The following ODAD4 variants were observed in gnomAD, a reference collection of about 807,000 sequenced individuals.
ODAD4 encodes outer dynein arm-docking complex subunit 4.
A neutral mutation model predicts 51.8 loss-of-function variants in ODAD4; 49 were observed. That is an observed-to-expected ratio of 0.95 (90% CI 0.75 to 1.20). The LOEUF is 1.20. Ranked by LOEUF, ODAD4 falls within the 50% of genes most tolerant of loss-of-function variation. The pLI, the probability that ODAD4 is intolerant of heterozygous loss-of-function variation, is 0.00. For synonymous variants in ODAD4, 235 were observed against 221.3 expected, an observed-to-expected ratio of 1.06 and a Z score of -0.55; for missense variants, 590 against 586.5, an observed-to-expected ratio of 1.01 and a Z score of -0.06.
At chr17:41,958,308 G>A (rs1377647392) in intron 10 of ODAD4, among the ~76,000 whole-genome samples, 3 of 152,096 alleles carry the variant, frequency 2.0e-5, no homozygotes, top group Non-Finnish European at 4.4e-5. Context: ...TTGTGCACTT[G>A]TAATTGCCTA....
chr17:41,953,751 T>A (rs1020414769), intron 9 of ODAD4, among the ~76,000 whole-genome samples: 3 of 151,856 alleles, frequency 2.0e-5, no homozygotes, highest in Non-Finnish European at 2.9e-5. Context: ...CACTGCAACA[T>A]TGACCTTCTG....
chr17:41,936,351 G>A (rs2050426225), intron 3 of ODAD4, 122 bp from the exon 4 acceptor site: 3 of 712,364 alleles, frequency 4.2e-6, no homozygotes, highest in Non-Finnish European at 7.5e-6. Flanking sequence ...GCTGGCTTAG[G>A]GCCAGCTTTG....
Position 41,952,603 on chromosome 17 carries a change from A to G in ODAD4, c.1343-2614A>G, listed in dbSNP as rs781801506. 2.0e-5 allele frequency: 9 copies of G among 460,836 alleles called. No homozygotes were observed. The Admixed American group carries it at 2.0e-4, about 10-fold the overall frequency. The allele number at this position is 460,836 out of a possible 1,614,324, so 28.5% of individuals were successfully genotyped here. A position where few individuals can be genotyped will look rare whatever the true frequency, so the allele number is the denominator to read the frequency against. Reference sequence around the variant, plus strand: ...ATGAAAGAATAATCCTGAATGATTTACTCTCTTGAATAAGCATGTGACTCT... The same window carrying G: ...ATGAAAGAATAATCCTGAATGATTTGCTCTCTTGAATAAGCATGTGACTCT... On this transcript the variant is annotated intron_variant, in intron 9 of 11. Transcript: ENST00000377540.
chr17:41,944,427 CA>C (rs1567932983), intron 7 of ODAD4, among the ~76,000 whole-genome samples: 267 of 8,112 alleles, frequency 0.033, 11 homozygotes, highest in African/African-American at 0.048. Context: ...CACACACACA[CA>C]CACACACACA....
rs973253976 is a variant in ODAD4 at position 41,930,852 on chromosome 17, C to T, written c.114+15C>T. 1.2e-6 allele frequency: 1 copy of T among 808,800 alleles called. No individual in the cohort carries two copies. Among genetic ancestry groups the T allele is most frequent in the Non-Finnish European group, 2.0e-6 (1 of 507,892 alleles). 50.1% of individuals were successfully genotyped at this position (808,800 alleles called of 1,614,324 possible). A position where few individuals can be genotyped will look rare whatever the true frequency, so the allele number is the denominator to read the frequency against. ...GCTTCAGCAACGTGAGTCGAGCTCT[C>T]AACCTATCCATCACCCCATCACCCG... On this transcript the variant is annotated intron_variant, in intron 1 of 11. Coordinates refer to ENST00000377540, the MANE Select transcript of ODAD4 (RefSeq NM_031421.5).
intron 7 of ODAD4, among the ~76,000 whole-genome samples, chr17:41,941,782 A>AG (rs1381749072): frequency 2.0e-5 from 3 of 150,686 alleles, no homozygotes; most frequent in African/African-American, 7.3e-5. Flanking sequence ...AAAAAAAAAA[A>AG]AGAGAGAAAA....
intron 10 of ODAD4, among the ~76,000 whole-genome samples, chr17:41,957,376 G>A (rs6503676): frequency 8.5e-4 from 129 of 152,190 alleles, no homozygotes; most frequent in African/African-American, 2.9e-3. Flanking sequence ...CTCACGTGCC[G>A]TTCACAATCG....
At chr17:41,936,336 G>A (rs1340464733) in intron 3 of ODAD4, 137 bp from the exon 4 acceptor site, 2 of 661,344 alleles carry the variant, frequency 3.0e-6, no homozygotes, top group East Asian at 2.7e-5. Flanking sequence ...CCATTTGCCT[G>A]CTAGGCTGGC....
chr17:41,954,372 C>T (rs1019325014), intron 9 of ODAD4, among the ~76,000 whole-genome samples: 14 of 152,202 alleles, frequency 9.2e-5, no homozygotes, highest in African/African-American at 2.9e-4. Context: ...TCATTTCAGT[C>T]CCAGCTCCAG....
At chr17:41,930,879 CA>C in intron 1 of ODAD4, 42 bp downstream of exon 1, 3 of 240,224 alleles carry the variant, frequency 1.2e-5, no homozygotes, top group South Asian at 4.2e-5. Context: ...CATCACCCGT[CA>C]CTTTTTTTTT....
chr17:41,951,027 G>A (rs2050644104), intron 9 of ODAD4, among the ~76,000 whole-genome samples: 1 of 150,676 alleles, frequency 6.6e-6, no homozygotes, highest in Admixed American at 6.7e-5. Context: ...GAACCTTTCA[G>A]AGTGATGGAA....
chr17:41,947,844 G>A (rs1273923120), intron 8 of ODAD4, among the ~76,000 whole-genome samples: 2 of 151,576 alleles, frequency 1.3e-5, no homozygotes, highest in Non-Finnish European at 2.9e-5. Flanking sequence ...AAATGGCTGG[G>A]TGCGGTGGCT....
intron 10 of ODAD4, among the ~76,000 whole-genome samples, chr17:41,960,063 C>G (rs1307810428): frequency 1.3e-5 from 2 of 152,248 alleles, no homozygotes; most frequent in African/African-American, 4.8e-5. Context: ...TGTGATCGCC[C>G]TGCAGACAGA....
chr17:41,955,058 G>C, intron 9 of ODAD4, 159 bp from the exon 10 acceptor site: 1 of 713,444 alleles, frequency 1.4e-6, no homozygotes, highest in Non-Finnish European at 2.6e-6. Flanking sequence ...AAAGGATGGT[G>C]CTGAGCAGCT....
At chr17:41,956,280 C>T (rs2050731896) in intron 10 of ODAD4, among the ~76,000 whole-genome samples, 1 of 151,806 alleles carries the variant, frequency 6.6e-6, no homozygotes, top group African/African-American at 2.4e-5. Context: ...AACTCCTGAC[C>T]TCAAATGATC....
At chr17:41,949,540 A>C (rs2050627603) in intron 9 of ODAD4, among the ~76,000 whole-genome samples, 191 bp downstream of exon 9, 1 of 152,124 alleles carries the variant, frequency 6.6e-6, no homozygotes, top group African/African-American at 2.4e-5. Context: ...GCTTGGTTAG[A>C]GCTTGGGGTA....
Position 41,965,762 on chromosome 17 carries a change from G to A in ODAD4, c.*279G>A, listed in dbSNP as rs1448017106. The stretch of plus-strand genomic sequence containing the variant: ...GGGTTTCAGGAGGGTGAAGATACGG[G>A]CGCTACAGGGAACAAGAAGTCACAG... On this transcript the variant is annotated 3_prime_UTR_variant, in exon 12 of 12. Coordinates refer to ENST00000377540, the MANE Select transcript of ODAD4 (RefSeq NM_031421.5). 2.8e-5 allele frequency: 10 copies of A among 359,246 alleles called. No individual in the cohort carries two copies. The highest frequency in any genetic ancestry group is 5.1e-5 in the Non-Finnish European group (10 of 195,576). 22.3% of individuals were successfully genotyped at this position (359,246 alleles called of 1,614,324 possible).
chr17:41,948,078 A>G (rs1405223405), intron 8 of ODAD4, among the ~76,000 whole-genome samples: 4 of 152,180 alleles, frequency 2.6e-5, no homozygotes, highest in Admixed American at 1.3e-4. Context: ...AGATCTTGCC[A>G]TTGCACTCCA....
At chr17:41,942,210 A>G (rs2050516665) in intron 7 of ODAD4, among the ~76,000 whole-genome samples, 3 of 152,172 alleles carry the variant, frequency 2.0e-5, no homozygotes, top group Non-Finnish European at 2.9e-5. Flanking sequence ...TGCTAGGATG[A>G]CAGGTGTGAG....
Sources: allele counts gnomAD v4.1 joint callset (sites outside exome capture counted in the v4.1 genomes callset), GRCh38; gene constraint gnomAD v4.1.1; transcripts MANE v1.5; gene names NCBI Gene and HGNC (gene_info 2026-07-23, HGNC 2026-07-21).